Variants in OXCT1 observed in about 807,000 individuals in gnomAD.
OXCT1 encodes 3-oxoacid CoA-transferase 1.
OXCT1 carries 27 observed loss-of-function variants against 69.6 expected under a neutral mutation model. The ratio of observed to expected loss-of-function variants is 0.39; its 90% CI spans 0.29 to 0.54. OXCT1 has a LOEUF of 0.54. OXCT1 is among the 20% of genes least tolerant of loss of function. The pLI, the probability that OXCT1 is intolerant of heterozygous loss-of-function variation, is 0.72. For synonymous variants in OXCT1, 202 were observed against 217.8 expected (o/e 0.93, Z 0.64); for missense variants, 437 against 650.2 (o/e 0.67, Z 3.57).
chr5:41,869,700 C>T (rs1750187480), intron 1 of OXCT1, among the ~76,000 whole-genome samples: 2 of 152,170 alleles, frequency 1.3e-5, no homozygotes, highest in African/African-American at 4.8e-5. Context: ...CTCCAGTCTA[C>T]GGGGCAGCAG....
In OXCT1 at chr5:41,739,343, C is replaced by G. The variant is rs758172835; in HGVS notation, c.1521+47G>C. The G allele has an allele frequency of 4.1e-6, 5 of 1,209,108 alleles. No individual in the cohort carries two copies. The Admixed American group carries it at 8.4e-5, about 20-fold the overall frequency. The allele number at this position is 1,209,108 out of a possible 1,614,324, so 74.9% of individuals were successfully genotyped here. A position where few individuals can be genotyped will look rare whatever the true frequency, so the allele number is the denominator to read the frequency against. ...GTCCTGCAAACACCCATTAATCAAG[C>G]CTATAATATAAGACAAGTGTCTGGA... On this transcript the variant is annotated intron_variant, in intron 16 of 16. Transcript: ENST00000196371.
At position 41,850,049 on chromosome 5, in the gene OXCT1, A is replaced by C; in HGVS notation, c.545T>G (p.Ile182Ser). 6.2e-7 allele frequency: 1 copy of C among 1,613,914 alleles called. No homozygotes were observed. Among genetic ancestry groups the C allele is most frequent in the African/African-American group, 1.3e-5 (1 of 75,016 alleles). ...IKYNKDGSVA[I>S]ASKPREVREF... ...TCTTACCTCTCTTGGCTTACTGGCA[A>C]TGGCAACACTGCCATCTTTGTTGTA... The change falls in exon 5 of 17, where the codon ATT (isoleucine) becomes AGT (serine). Residue 182 changes from isoleucine (I) to serine (S), a missense_variant. Around this residue, in one of 4 missense-constraint regions of OXCT1, gnomAD observed 252 missense variants for 397.4 expected, o/e 0.63. Coordinates refer to ENST00000196371, the MANE Select transcript of OXCT1 (RefSeq NM_000436.4).
chr5:41,761,737 T>TC (rs771240191), intron 14 of OXCT1, among the ~76,000 whole-genome samples: 23 of 152,174 alleles, frequency 1.5e-4, no homozygotes, highest in Non-Finnish European at 2.2e-4. Context: ...GCTTTTCATT[T>TC]CACGCACAGA....
At position 41,762,864 on chromosome 5, in the gene OXCT1, T is replaced by C. The variant is rs1744414610; in HGVS notation, c.1249-664A>G. On this transcript the variant is annotated intron_variant, in intron 13 of 16. Transcript: ENST00000196371. The surrounding 1 kb of genome is among the most constrained non-coding windows in gnomAD (Gnocchi z 4.0). ...GGCCATCCCTTCATTCATTATACTT[T>C]TACCAACCACCTTCTATGTACCACA... Among the ~76,000 whole-genome samples the C allele has an allele frequency of 6.6e-6, 1 of 152,162 alleles. No individual in the cohort carries two copies. The highest frequency in any genetic ancestry group is 1.5e-5 in the Non-Finnish European group (1 of 68,012).
chr5:41,761,300 C>G (rs1268698285), intron 14 of OXCT1, among the ~76,000 whole-genome samples: 3 of 152,098 alleles, frequency 2.0e-5, no homozygotes, highest in Admixed American at 2.0e-4. Context: ...TCTACTAGTT[C>G]TAACAGAACT....
At chr5:41,758,095 G>C (rs1409898521) in intron 14 of OXCT1, among the ~76,000 whole-genome samples, 1 of 152,154 alleles carries the variant, frequency 6.6e-6, no homozygotes, top group South Asian at 2.1e-4. Context: ...GGGATAAACA[G>C]AGTAGAAATA....
chr5:41,755,337 C>T (rs1317785266), intron 14 of OXCT1, among the ~76,000 whole-genome samples: 3 of 151,822 alleles, frequency 2.0e-5, no homozygotes, highest in Non-Finnish European at 4.4e-5. Context: ...AAAGGCAAAA[C>T]CATGTAAGGA....
chr5:41,851,075 C>A (rs1749152277), intron 4 of OXCT1, among the ~76,000 whole-genome samples: 1 of 152,130 alleles, frequency 6.6e-6, no homozygotes, highest in Admixed American at 6.5e-5. Flanking sequence ...GGTGAAGGAT[C>A]ACTTGAGGCC....
chr5:41,823,546 G>A (rs534039793), intron 7 of OXCT1, among the ~76,000 whole-genome samples: 3 of 152,180 alleles, frequency 2.0e-5, no homozygotes, highest in Non-Finnish European at 4.4e-5. Flanking sequence ...GTATTAGCCT[G>A]TCTCTCTCCA....
intron 15 of OXCT1, among the ~76,000 whole-genome samples, chr5:41,743,958 TG>T (rs1743332023): frequency 6.6e-6 from 1 of 152,092 alleles, no homozygotes; most frequent in Non-Finnish European, 1.5e-5. Flanking sequence ...GACTTGGAAA[TG>T]CGAGCTCTTT....
chr5:41,850,582 A>C (rs963013101), intron 4 of OXCT1, among the ~76,000 whole-genome samples: 35 of 152,198 alleles, frequency 2.3e-4, no homozygotes, highest in African/African-American at 7.5e-4. Context: ...GGTATGGCCT[A>C]AATTTTATTC....
intron 14 of OXCT1, among the ~76,000 whole-genome samples, chr5:41,753,288 C>T (rs1156608211): frequency 7.2e-6 from 1 of 138,006 alleles, no homozygotes; most frequent in East Asian, 2.0e-4. Context: ...CACACACACA[C>T]ATAGACACAC....
At chr5:41,855,626 T>C (rs1749393340) in intron 3 of OXCT1, among the ~76,000 whole-genome samples, 1 of 152,180 alleles carries the variant, frequency 6.6e-6, no homozygotes, top group Admixed American at 6.5e-5. Flanking sequence ...ACAGGTTTGT[T>C]AATTCATCTA....
At chr5:41,867,740 C>T (rs556221914) in intron 1 of OXCT1, among the ~76,000 whole-genome samples, 1 of 152,326 alleles carries the variant, frequency 6.6e-6, no homozygotes, top group East Asian at 1.9e-4. Context: ...AGGACTGCAG[C>T]TCAGGAGAGT....
At chr5:41,826,989 G>A (rs538960152) in intron 7 of OXCT1, among the ~76,000 whole-genome samples, 1 of 152,154 alleles carries the variant, frequency 6.6e-6, no homozygotes, top group African/African-American at 2.4e-5. Context: ...TCTAAGGCCT[G>A]GGCATGTTGG....
chr5:41,799,544 A>C (rs1028741362), intron 11 of OXCT1, among the ~76,000 whole-genome samples: 2 of 152,204 alleles, frequency 1.3e-5, no homozygotes, highest in African/African-American at 4.8e-5. Flanking sequence ...AGAAACACCT[A>C]CTGTCCAACC....
chr5:41,854,790 C>T (rs529328307), intron 3 of OXCT1, among the ~76,000 whole-genome samples: 1 of 151,952 alleles, frequency 6.6e-6, no homozygotes, highest in Non-Finnish European at 1.5e-5. Flanking sequence ...TACCAAGTCT[C>T]GACAAAGATG....
At chr5:41,785,353 G>A (rs1284019377) in intron 13 of OXCT1, among the ~76,000 whole-genome samples, 2 of 152,184 alleles carry the variant, frequency 1.3e-5, no homozygotes, top group Admixed American at 6.5e-5. Flanking sequence ...AGAGGTATTA[G>A]AACCATAGTT....
At chr5:41,779,196 A>G (rs1360670896) in intron 13 of OXCT1, among the ~76,000 whole-genome samples, 1 of 152,210 alleles carries the variant, frequency 6.6e-6, no homozygotes, top group East Asian at 1.9e-4. Context: ...ATTACATAGT[A>G]GCATCTTTAG....
Sources: gnomAD v4.1 joint callset for allele counts (sites outside exome capture counted in the v4.1 genomes callset) on GRCh38, gnomAD v4.1.1 for gene constraint, gnomAD v4.1.1 regional missense constraint, Gnocchi (gnomAD v3.1) non-coding constraint, MANE v1.5 for transcripts, NCBI Gene and HGNC (gene_info 2026-07-23, HGNC 2026-07-21) for gene names.